The following NRG1 variants were observed in gnomAD, a reference collection of about 807,000 sequenced individuals.
NRG1 encodes pro-neuregulin-1, membrane-bound isoform.
In NRG1, 18 loss-of-function variants were observed where a neutral mutation model predicts 63.8. The observed-to-expected ratio is 0.28, with a 90% CI of 0.19 to 0.42. The LOEUF (loss-of-function observed/expected upper bound fraction) is 0.42. Among genes scored for constraint, NRG1 ranks in the 10% least tolerant of loss-of-function variants. The pLI, the probability that NRG1 is intolerant of heterozygous loss-of-function variation, is 1.00. For synonymous variants in NRG1, 302 were observed against 301.3 expected, an observed-to-expected ratio of 1.00 and a Z score of -0.02; for missense variants, 762 against 814.7, an observed-to-expected ratio of 0.94 and a Z score of 0.79.
intron 1 of NRG1, among the ~76,000 whole-genome samples, chr8:32,503,288 G>GAAAAA (rs60857610): frequency 0.017 from 907 of 54,858 alleles, 48 homozygotes; most frequent in Middle Eastern, 0.053. Context: ...CTCTGTCTCA[G>GAAAAA]AAAAAAAAAA....
intron 1 of NRG1, among the ~76,000 whole-genome samples, chr8:32,252,009 A>G (rs186946119): frequency 6.6e-6 from 1 of 152,162 alleles, no homozygotes; most frequent in East Asian, 1.9e-4. Context: ...TTTGTGAAGT[A>G]TCTGCTCATG....
chr8:32,390,919 T>C (rs1249017418), intron 1 of NRG1, among the ~76,000 whole-genome samples: 1 of 152,188 alleles, frequency 6.6e-6, no homozygotes, highest in East Asian at 1.9e-4. Flanking sequence ...CTTAATCAAT[T>C]GTAAAGAAAC....
intron 1 of NRG1, among the ~76,000 whole-genome samples, chr8:31,795,015 C>T (rs1288759345): frequency 6.6e-6 from 1 of 152,136 alleles, no homozygotes; most frequent in Non-Finnish European, 1.5e-5. Flanking sequence ...GTTGGCCAGG[C>T]TGGTCTCAAA....
intron 1 of NRG1, among the ~76,000 whole-genome samples, chr8:32,473,396 G>A (rs1824090134): frequency 6.6e-6 from 1 of 152,118 alleles, no homozygotes; most frequent in Non-Finnish European, 1.5e-5. Context: ...CATCCTGAGA[G>A]CTAAAAGTCA....
At chr8:32,296,747 A>G (rs1167766802) in intron 1 of NRG1, among the ~76,000 whole-genome samples, 1 of 152,202 alleles carries the variant, frequency 6.6e-6, no homozygotes, top group Non-Finnish European at 1.5e-5. Context: ...ACAAAAGACA[A>G]TAACAAAACA....
At position 31,652,949 on chromosome 8, in the gene NRG1, TCTCTTCTCTC is replaced by T. The variant is rs1219938007; in HGVS notation, c.37+13523_37+13532del. 5.8e-4 allele frequency among the ~76,000 whole-genome samples: 20 copies of T among 34,770 alleles called. 2 individuals carry two copies. Among genetic ancestry groups the T allele is most frequent in the African/African-American group, 1.4e-3 (14 of 9,736 alleles). The allele number at this position is 34,770 out of a possible 152,430, so 22.8% of individuals were successfully genotyped here. ...CTCCCTCCCTCCTTCCCTTCCTTCC[TCTCTTCTCTC>T]CTCTCCTCTCCTCTCCTCTCCTCTC... On this transcript the variant is annotated intron_variant, in intron 1 of 10. Coordinates refer to the NRG1 transcript ENST00000519301.
At chr8:32,118,389 A>T (rs1042168461) in intron 1 of NRG1, among the ~76,000 whole-genome samples, 21 of 151,820 alleles carry the variant, frequency 1.4e-4, no homozygotes, top group Non-Finnish European at 4.4e-5. Flanking sequence ...TCTCCATGTG[A>T]TCTCTGCACA....
intron 1 of NRG1, among the ~76,000 whole-genome samples, chr8:32,220,682 A>G (rs1332278856): frequency 6.6e-6 from 1 of 152,204 alleles, no homozygotes; most frequent in Non-Finnish European, 1.5e-5. Context: ...CAGATGTGTC[A>G]CTGTGGCTCA....
At chr8:32,372,006 T>TTTC (rs1554520484) in intron 1 of NRG1, among the ~76,000 whole-genome samples, 4 of 147,868 alleles carry the variant, frequency 2.7e-5, no homozygotes, top group African/African-American at 9.9e-5. Flanking sequence ...TTTTTTTTTT[T>TTTC]TTAAAAGGGT....
intron 1 of NRG1, among the ~76,000 whole-genome samples, chr8:32,140,956 TC>T (rs1390858524): frequency 1.3e-5 from 2 of 151,998 alleles, no homozygotes. Context: ...TCTCTCTCTC[TC>T]GCTCACTCTC....
chr8:32,422,473 T>C (rs1816810498), intron 1 of NRG1, among the ~76,000 whole-genome samples: 1 of 152,194 alleles, frequency 6.6e-6, no homozygotes, highest in African/African-American at 2.4e-5. Context: ...ACACAGAGTA[T>C]TTACAACATT....
chr8:32,098,092 C>T (rs1219637402), intron 1 of NRG1, among the ~76,000 whole-genome samples: 1 of 151,864 alleles, frequency 6.6e-6, no homozygotes, highest in East Asian at 1.9e-4. Flanking sequence ...GAGAAAGAAA[C>T]CAACAAAGAC....
At chr8:32,529,181 T>C (rs1038296969) in intron 1 of NRG1, among the ~76,000 whole-genome samples, 6 of 152,216 alleles carry the variant, frequency 3.9e-5, no homozygotes, top group African/African-American at 1.4e-4. Flanking sequence ...CTGTAGGCAA[T>C]TGTAACACAA....
intron 1 of NRG1, among the ~76,000 whole-genome samples, chr8:31,929,728 C>T (rs1180954417): frequency 1.3e-5 from 2 of 152,114 alleles, no homozygotes; most frequent in Non-Finnish European, 2.9e-5. Context: ...TTTGATAACA[C>T]ACTAAATTTT....
chr8:32,222,902 T>G (rs938924104), intron 1 of NRG1, among the ~76,000 whole-genome samples: 1 of 152,220 alleles, frequency 6.6e-6, no homozygotes, highest in Admixed American at 6.5e-5. Flanking sequence ...ATTTTGCCGG[T>G]GACAGCACTA....
At chr8:32,419,745 A>G (rs1172742306) in intron 1 of NRG1, among the ~76,000 whole-genome samples, 8 of 152,202 alleles carry the variant, frequency 5.3e-5, no homozygotes, top group Admixed American at 5.2e-4. Context: ...ATTGCATGCA[A>G]GGTAAACAAG....
At chr8:32,482,017 T>C (rs1311572571) in intron 1 of NRG1, among the ~76,000 whole-genome samples, 1 of 152,192 alleles carries the variant, frequency 6.6e-6, no homozygotes, top group Non-Finnish European at 1.5e-5. Context: ...TATTTTTCAT[T>C]CTATAGACAA....
chr8:31,763,399 A>G (rs1029915526), intron 1 of NRG1, among the ~76,000 whole-genome samples: 1 of 152,190 alleles, frequency 6.6e-6, no homozygotes, highest in African/African-American at 2.4e-5. Context: ...CCGTTTAGAT[A>G]CCATTTAACA....
intron 1 of NRG1, among the ~76,000 whole-genome samples, chr8:31,997,991 A>G (rs75165582): frequency 0.018 from 2,664 of 152,126 alleles, 44 homozygotes; most frequent in Middle Eastern, 0.054. Flanking sequence ...CTTAATCACC[A>G]TCCTCTATTG....
Sources: allele counts gnomAD v4.1 joint callset (sites outside exome capture counted in the v4.1 genomes callset), GRCh38; gene constraint gnomAD v4.1.1; transcripts MANE v1.5; gene names NCBI Gene and HGNC (gene_info 2026-07-23, HGNC 2026-07-21).